The following GHR variants were observed in gnomAD, a reference collection of about 807,000 sequenced individuals.
GHR encodes the protein GH receptor.
A neutral mutation model predicts 67.1 loss-of-function variants in GHR; 35 were observed. The observed-to-expected ratio is 0.52, with a 90% confidence interval of 0.40 to 0.69. GHR has a LOEUF of 0.69. Among genes scored for constraint, GHR ranks in the 30% least tolerant of loss-of-function variants. The probability of loss-of-function intolerance (pLI) is 0.00; values close to 1 mark genes in which losing one functional copy is unlikely to be tolerated. For missense variants in GHR, 792 were observed against 764.6 expected (o/e 1.04, Z -0.42); for synonymous variants, 272 against 269.1 (o/e 1.01, Z -0.10).
intron 1 of GHR, among the ~76,000 whole-genome samples, chr5:42,552,287 C>T (rs796900215): frequency 6.6e-5 from 10 of 152,312 alleles, no homozygotes; most frequent in African/African-American, 2.4e-4. Flanking sequence ...GGCCTTCCTG[C>T]TTCCACACCA....
chr5:42,468,781 T>A (rs909388338), intron 1 of GHR: 243 of 1,093,618 alleles, frequency 2.2e-4, no homozygotes, highest in Non-Finnish European at 2.9e-4. Context: ...CTTCAGCACC[T>A]CGAAGGGGTC....
chr5:42,576,726 G>A (rs906697042), intron 2 of GHR, among the ~76,000 whole-genome samples: 10 of 152,212 alleles, frequency 6.6e-5, no homozygotes, highest in African/African-American at 2.4e-4. Context: ...ATGGGATACT[G>A]TTATGTAGTT....
chr5:42,424,736 C>G lies in GHR; in HGVS notation c.-12+781C>G. 1 of 930,076 alleles carries G rather than the reference C, an allele frequency of 1.1e-6. No homozygotes were observed. The highest frequency in any genetic ancestry group is 1.4e-5 in the South Asian group (1 of 72,056). 57.6% of individuals were successfully genotyped at this position (930,076 alleles called of 1,614,324 possible). On this transcript the variant is annotated intron_variant, in intron 1 of 9. Transcript: ENST00000230882. The surrounding 1 kb of genome is among the most constrained non-coding windows in gnomAD (Gnocchi z 4.1). ...GGTGGCCGCGTGTCTAGGGAGAGGGCGCTGGCGGCGCAGAGGGTGCGGGGC... is the reference window on the plus strand; with the variant it reads ...GGTGGCCGCGTGTCTAGGGAGAGGGGGCTGGCGGCGCAGAGGGTGCGGGGC...
intron 1 of GHR, among the ~76,000 whole-genome samples, chr5:42,544,772 A>G (rs1748665154): frequency 6.6e-6 from 1 of 152,178 alleles, no homozygotes; most frequent in Admixed American, 6.5e-5. Flanking sequence ...TAAACAAGCC[A>G]ATGAACAAAG....
At chr5:42,451,170 C>T (rs1744032714) in intron 1 of GHR, among the ~76,000 whole-genome samples, 1 of 152,096 alleles carries the variant, frequency 6.6e-6, no homozygotes. Flanking sequence ...AGTTTAAGCC[C>T]ATTGTTTCTT....
intron 2 of GHR, chr5:42,619,941 C>T (rs928331874): frequency 6.6e-6 from 1 of 152,188 alleles, no homozygotes; most frequent in African/African-American, 2.4e-5. Context: ...CAGTATCAGC[C>T]TAGTAAACAA....
At chr5:42,649,952 G>T (rs1292423396) in intron 3 of GHR, among the ~76,000 whole-genome samples, 1 of 152,142 alleles carries the variant, frequency 6.6e-6, no homozygotes, top group Non-Finnish European at 1.5e-5. Context: ...GAAGAAACCA[G>T]AGCTCTTTCC....
intron 1 of GHR, chr5:42,468,391 C>G: frequency 3.2e-6 from 4 of 1,233,454 alleles, no homozygotes; most frequent in Non-Finnish European, 4.5e-6. Flanking sequence ...CCCATCTAAG[C>G]TTTATGTTTC....
At chr5:42,707,960 G>A (rs955605743) in intron 6 of GHR, among the ~76,000 whole-genome samples, 1 of 152,000 alleles carries the variant, frequency 6.6e-6, no homozygotes, top group African/African-American at 2.4e-5. Context: ...CTTTAAATTG[G>A]ACTGTGTACT....
intron 1 of GHR, among the ~76,000 whole-genome samples, chr5:42,527,209 C>G (rs1747741422): frequency 6.6e-6 from 1 of 152,168 alleles, no homozygotes; most frequent in South Asian, 2.1e-4. Context: ...ATGACACTAT[C>G]AAGTTCACAC....
chr5:42,719,225 C>T lies in GHR; in HGVS notation c.1718C>T (p.Thr573Ile), dbSNP rs1337408519. 1 of 1,613,890 alleles carries T rather than the reference C, an allele frequency of 6.2e-7. No homozygotes were observed. The highest frequency in any genetic ancestry group is 8.5e-7 in the Non-Finnish European group (1 of 1,179,916). The change falls in exon 10 of 10, where the codon ACC becomes ATC. Residue 573 changes from threonine (T) to isoleucine (I), a missense_variant. Thr to Ile is a moderately conservative substitution (Grantham distance 89). Coordinates refer to ENST00000230882, the MANE Select transcript of GHR (RefSeq NM_000163.5). ...ATTTACATCACCACAGAAAGCCTTACCACTGCTGCTGGGAGGCCTGGGACA... is the reference window on the plus strand; with the variant it reads ...ATTTACATCACCACAGAAAGCCTTATCACTGCTGCTGGGAGGCCTGGGACA... ...EDIYITTESLTTAAGRPGTGE... is the reference protein window; with the variant it reads ...EDIYITTESLITAAGRPGTGE...
chr5:42,603,215 A>G lies in GHR; in HGVS notation c.71-25823A>G, dbSNP rs531588375. Among the ~76,000 whole-genome samples the G allele has an allele frequency of 7.2e-5, 11 of 152,282 alleles. No homozygotes were observed. The East Asian group carries it at 2.1e-3, about 29-fold the overall frequency. The stretch of plus-strand genomic sequence containing the variant: ...TCAGGCCTGCAAGGTTTCTGCAGAA[A>G]AATCGTCTGATAATACTACAGAGAT... On this transcript the variant is annotated intron_variant, in intron 2 of 9. Coordinates refer to ENST00000230882, the MANE Select transcript of GHR (RefSeq NM_000163.5).
chr5:42,543,095 T>C (rs988445709), intron 1 of GHR, among the ~76,000 whole-genome samples: 6 of 152,182 alleles, frequency 3.9e-5, no homozygotes, highest in African/African-American at 1.4e-4. Flanking sequence ...GTGATAAACA[T>C]ACATGAGCAG....
rs555188039 is a variant in GHR at position 42,582,059 on chromosome 5, G to A, written c.70+16115G>A. Among the ~76,000 whole-genome samples, 3 of 152,354 alleles carry A rather than the reference G, an allele frequency of 2.0e-5. No individual in the cohort carries two copies. The East Asian group carries it at 5.8e-4, about 29-fold the overall frequency. On this transcript the variant is annotated intron_variant, in intron 2 of 9. Coordinates refer to ENST00000230882, the MANE Select transcript of GHR (RefSeq NM_000163.5). Reference sequence around the variant, plus strand: ...GACACACCAGCCCCCTGGCACATAGGCACTCTCTGGACTTTGGACACCAAC... The same window carrying A: ...GACACACCAGCCCCCTGGCACATAGACACTCTCTGGACTTTGGACACCAAC...
intron 1 of GHR, among the ~76,000 whole-genome samples, chr5:42,497,153 CT>C (rs1298703844): frequency 6.6e-6 from 1 of 152,162 alleles, no homozygotes; most frequent in Non-Finnish European, 1.5e-5. Context: ...TCCTAAGTTA[CT>C]TTAGCCTTCA....
intron 1 of GHR, among the ~76,000 whole-genome samples, chr5:42,522,100 A>C (rs1331833894): frequency 6.6e-6 from 1 of 152,108 alleles, no homozygotes; most frequent in Non-Finnish European, 1.5e-5. Context: ...ATCGTTTTGT[A>C]TTGCACATAG....
intron 1 of GHR, among the ~76,000 whole-genome samples, chr5:42,478,941 A>G (rs1303313842): frequency 3.3e-5 from 5 of 152,120 alleles, no homozygotes; most frequent in African/African-American, 9.7e-5. Context: ...AGTGGTGAGA[A>G]AGGGCATCCC....
chr5:42,452,215 C>A (rs1001759777), intron 1 of GHR, among the ~76,000 whole-genome samples: 1 of 152,144 alleles, frequency 6.6e-6, no homozygotes, highest in Admixed American at 6.5e-5. Context: ...TTTAAGGGGG[C>A]TAAAGATAGG....
intron 3 of GHR, among the ~76,000 whole-genome samples, chr5:42,660,653 G>C (rs1019129778): frequency 3.9e-5 from 6 of 152,150 alleles, no homozygotes; most frequent in African/African-American, 1.4e-4. Flanking sequence ...AAACCACAAA[G>C]ATGGGGAAAA....
Sources: allele counts gnomAD v4.1 joint callset (sites outside exome capture counted in the v4.1 genomes callset), GRCh38; gene constraint gnomAD v4.1.1; non-coding constraint Gnocchi (gnomAD v3.1); transcripts MANE v1.5; gene names NCBI Gene and HGNC (gene_info 2026-07-23, HGNC 2026-07-21).